The following DHRS12 variants were observed in gnomAD, a reference collection of about 807,000 sequenced individuals.
DHRS12 encodes dehydrogenase/reductase 12.
DHRS12 carries 29 observed loss-of-function variants against 32.1 expected under a neutral mutation model. The ratio of observed to expected loss-of-function variants is 0.90; its 90% CI spans 0.67 to 1.23. The LOEUF (loss-of-function observed/expected upper bound fraction) is 1.23, where lower values mean the gene tolerates loss of function less well. Among genes scored for constraint, DHRS12 ranks in the 50% most tolerant of loss-of-function variants. The pLI is 0.00. For synonymous variants in DHRS12, 150 were observed against 135.9 expected (o/e 1.10, Z -0.72); for missense variants, 330 against 337.2 (o/e 0.98, Z 0.17).
chr13:51,759,959 A>C, the DHRS12 span: 1 of 548,950 alleles, frequency 1.8e-6, no homozygotes, highest in African/African-American at 1.9e-5. Context: ...GACTCTTCCA[A>C]CTTGTTCATA....
intron 1 of DHRS12, among the ~76,000 whole-genome samples, chr13:51,800,524 C>T (rs1593573975): frequency 1.3e-5 from 2 of 152,238 alleles, no homozygotes; most frequent in African/African-American, 4.8e-5. Flanking sequence ...GGTCTCAGAG[C>T]TTACATCTCT....
intron 7 of DHRS12, chr13:51,771,283 A>C: frequency 6.4e-7 from 1 of 1,557,150 alleles, no homozygotes; most frequent in South Asian, 1.2e-5. Context: ...CAGAGAGCCC[A>C]GGTGAGCTGC....
At chr13:51,785,779 T>C (rs1954926992) in intron 4 of DHRS12, among the ~76,000 whole-genome samples, 2 of 152,026 alleles carry the variant, frequency 1.3e-5, no homozygotes, top group Admixed American at 1.3e-4. Flanking sequence ...GATTTTGGAG[T>C]TGTTTCATAG....
intron 7 of DHRS12, chr13:51,771,167 G>A (rs1157864791): frequency 7.1e-6 from 11 of 1,539,202 alleles, no homozygotes; most frequent in South Asian, 1.2e-5. Flanking sequence ...GCGTTAATCC[G>A]CAGACAGCGC....
At chr13:51,788,605 G>A (rs1365416174) in intron 4 of DHRS12, among the ~76,000 whole-genome samples, 1 of 152,054 alleles carries the variant, frequency 6.6e-6, no homozygotes, top group Non-Finnish European at 1.5e-5. Context: ...AATACTTTGG[G>A]AGGCTGAGGC....
chr13:51,801,572 T>C (rs1337952195), intron 1 of DHRS12, among the ~76,000 whole-genome samples: 2 of 152,070 alleles, frequency 1.3e-5, no homozygotes, highest in South Asian at 4.1e-4. Flanking sequence ...TTCAAATCAG[T>C]AGGGACTTTG....
At chr13:51,793,290 G>A (rs1230640321) in intron 2 of DHRS12, among the ~76,000 whole-genome samples, 4 of 152,276 alleles carry the variant, frequency 2.6e-5, no homozygotes, top group South Asian at 2.1e-4. Flanking sequence ...GTGGACATAC[G>A]TGACTTATCA....
At chr13:51,796,682 T>C (rs918956386) in intron 2 of DHRS12, among the ~76,000 whole-genome samples, 3 of 152,182 alleles carry the variant, frequency 2.0e-5, no homozygotes, top group African/African-American at 7.2e-5. Context: ...CTGAGATTAG[T>C]ATTCTTGTTG....
chr13:51,760,458 A>G, the DHRS12 span: 1 of 152,182 alleles, frequency 6.6e-6, no homozygotes, highest in Non-Finnish European at 1.5e-5. Context: ...CACATTAAAA[A>G]AAAAAATGCT....
intron 2 of DHRS12, among the ~76,000 whole-genome samples, chr13:51,792,427 C>A (rs757813168): frequency 6.6e-6 from 1 of 151,814 alleles, no homozygotes; most frequent in Non-Finnish European, 1.5e-5. Context: ...AAGAGTGCCA[C>A]TGCACTCTGT....
rs771573992 is a variant in DHRS12 at position 51,771,937 on chromosome 13, A to C, written c.469-26T>G. On this transcript the variant is annotated intron_variant, in intron 6 of 8. Transcript: ENST00000444610. ...CTGGACAGGAAGGAGCGAGGGGGTG[A>C]ACAGGAGAGAGGAGGCGCCATTAGG... 3 of 1,612,250 alleles carry C rather than the reference A, an allele frequency of 1.9e-6. No homozygotes were observed. The South Asian group carries it at 3.3e-5, about 18-fold the overall frequency.
chr13:51,796,681 G>A (rs888232271), intron 2 of DHRS12, among the ~76,000 whole-genome samples: 5 of 152,220 alleles, frequency 3.3e-5, no homozygotes, highest in Admixed American at 2.6e-4. Flanking sequence ...CCTGAGATTA[G>A]TATTCTTGTT....
At chr13:51,756,499 G>T in the DHRS12 span, 1 of 1,595,396 alleles carries the variant, frequency 6.3e-7, no homozygotes, top group South Asian at 1.1e-5. Context: ...TTCAGGTTAA[G>T]GCGAGAATTT....
At position 51,767,997 on chromosome 13, in the gene DHRS12, A is replaced by G; in HGVS notation, c.*190T>C. 1.4e-6 allele frequency: 2 copies of G among 1,408,632 alleles called. No homozygotes were observed. The highest frequency in any genetic ancestry group is 1.8e-6 in the Non-Finnish European group (2 of 1,085,226). 87.3% of individuals were successfully genotyped at this position (1,408,632 alleles called of 1,614,324 possible). ...GAAAAGAACCTGCTGCAGGAGTTCA[A>G]GGTGAGCCTGATCACAGCCTCGGTA... On this transcript the variant is annotated 3_prime_UTR_variant, in exon 9 of 9. Transcript: ENST00000444610.
At chr13:51,801,612 G>A (rs1955758340) in intron 1 of DHRS12, among the ~76,000 whole-genome samples, 1 of 152,168 alleles carries the variant, frequency 6.6e-6, no homozygotes, top group Admixed American at 6.5e-5. Context: ...AGAGGAAACT[G>A]GAAGATTTTT....
chr13:51,756,656 T>TA, the DHRS12 span: 4 of 984,914 alleles, frequency 4.1e-6, no homozygotes, highest in Non-Finnish European at 3.6e-6. Flanking sequence ...GAAGAGAAAA[T>TA]ACACTCAAAG....
chr13:51,777,264 C>A (rs564259965), intron 4 of DHRS12, 143 bp from the exon 5 acceptor site: 8 of 780,914 alleles, frequency 1.0e-5, no homozygotes, highest in Admixed American at 8.9e-5. Flanking sequence ...TCCCTCCTTC[C>A]GAGGATCCTT....
intron 2 of DHRS12, among the ~76,000 whole-genome samples, chr13:51,794,375 TGGA>T (rs1273518909): frequency 6.6e-6 from 1 of 152,124 alleles, no homozygotes; most frequent in East Asian, 1.9e-4. Context: ...AAACAGTGCA[TGGA>T]GGTGTTTTGT....
intron 8 of DHRS12, chr13:51,768,827 T>C: frequency 7.7e-7 from 1 of 1,298,480 alleles, no homozygotes; most frequent in African/African-American, 1.5e-5. Flanking sequence ...GTTACTCCCT[T>C]TGCAGTGCAG....
Sources: gnomAD v4.1 joint callset for allele counts (sites outside exome capture counted in the v4.1 genomes callset) on GRCh38, gnomAD v4.1.1 for gene constraint, MANE v1.5 for transcripts, NCBI Gene and HGNC (gene_info 2026-07-23, HGNC 2026-07-21) for gene names.